The following KALRN variants were observed in gnomAD, a reference collection of about 807,000 sequenced individuals.
KALRN encodes kalirin RhoGEF kinase, also known as kalirin.
A neutral mutation model predicts 353.7 loss-of-function variants in KALRN; 70 were observed. The observed-to-expected ratio is 0.20, with a 90% CI of 0.16 to 0.24. KALRN has a LOEUF of 0.24. Among genes scored for constraint, KALRN ranks in the 10% least tolerant of loss-of-function variants. The pLI is 1.00. For missense variants in KALRN, 2,791 were observed against 3,756.7 expected (o/e 0.74, Z 6.72); for synonymous variants, 1,391 against 1,434.8 (o/e 0.97, Z 0.69).
At chr3:124,354,110 G>T (rs919331943) in intron 10 of KALRN, among the ~76,000 whole-genome samples, 2 of 152,196 alleles carry the variant, frequency 1.3e-5, no homozygotes, top group African/African-American at 4.8e-5. Context: ...ATTATAGAGA[G>T]CCTACCATGA....
intron 34 of KALRN, among the ~76,000 whole-genome samples, chr3:124,568,322 C>A (rs967924361): frequency 1.3e-5 from 2 of 152,168 alleles, no homozygotes; most frequent in Non-Finnish European, 2.9e-5. Flanking sequence ...CAAAGGATGG[C>A]TATTGTTTAA....
At chr3:124,496,504 T>G in intron 33 of KALRN, 91 bp downstream of exon 33, 1 of 938,090 alleles carries the variant, frequency 1.1e-6, no homozygotes, top group Non-Finnish European at 1.7e-6. Flanking sequence ...TCTCTCACTA[T>G]GGATCCTACC....
intron 1 of KALRN, among the ~76,000 whole-genome samples, chr3:124,072,983 C>T (rs1401205189): frequency 6.6e-6 from 1 of 152,196 alleles, no homozygotes; most frequent in Non-Finnish European, 1.5e-5. Flanking sequence ...TGAACCATGG[C>T]TTGTTCTGCA....
intron 34 of KALRN, among the ~76,000 whole-genome samples, chr3:124,625,172 AT>A (rs1279830821): frequency 6.6e-6 from 1 of 152,212 alleles, no homozygotes; most frequent in Non-Finnish European, 1.5e-5. Flanking sequence ...AGGTTCTAAT[AT>A]TCCCTACTGA....
chr3:124,240,358 GAA>G (rs918395173), intron 3 of KALRN, among the ~76,000 whole-genome samples: 1 of 152,176 alleles, frequency 6.6e-6, no homozygotes, highest in Non-Finnish European at 1.5e-5. Context: ...GGTAATTTGG[GAA>G]GACTTTAACC....
chr3:124,040,231 A>G (rs558694084), intron 1 of KALRN, among the ~76,000 whole-genome samples: 21 of 152,370 alleles, frequency 1.4e-4, no homozygotes, highest in African/African-American at 4.8e-4. Context: ...TATAAATAAA[A>G]TCAATAAAAC....
intron 33 of KALRN, among the ~76,000 whole-genome samples, chr3:124,503,451 C>CTTTT (rs5852407): frequency 3.4e-5 from 5 of 148,914 alleles, no homozygotes; most frequent in South Asian, 2.1e-4. Context: ...ATTGTAATTT[C>CTTTT]TTTTTTTTTT....
intron 37 of KALRN, among the ~76,000 whole-genome samples, chr3:124,639,990 A>T (rs1176036994): frequency 6.6e-6 from 1 of 152,174 alleles, no homozygotes; most frequent in East Asian, 1.9e-4. Flanking sequence ...TACTAGGTTG[A>T]GAATATCTCA....
chr3:124,228,204 T>G, intron 2 of KALRN, 140 bp downstream of exon 2: 1 of 750,828 alleles, frequency 1.3e-6, no homozygotes, highest in Non-Finnish European at 2.4e-6. Context: ...TTCTTTCTCC[T>G]GAGGCAGATG....
intron 1 of KALRN, chr3:124,152,390 T>G: frequency 8.2e-7 from 1 of 1,215,208 alleles, no homozygotes; most frequent in Non-Finnish European, 1.2e-6. Flanking sequence ...ACCTTTGGGC[T>G]CACACTATTG....
chr3:124,217,065 A>C (rs1364848120), intron 1 of KALRN, among the ~76,000 whole-genome samples: 3 of 152,104 alleles, frequency 2.0e-5, no homozygotes, highest in Non-Finnish European at 4.4e-5. Context: ...GAGTTTTAGT[A>C]TCTCTTTTGG....
At chr3:124,355,276 A>T (rs2083260210) in intron 10 of KALRN, among the ~76,000 whole-genome samples, 1 of 152,250 alleles carries the variant, frequency 6.6e-6, no homozygotes, top group African/African-American at 2.4e-5. Context: ...AAATTAAAAT[A>T]TAATATCTAA....
intron 37 of KALRN, among the ~76,000 whole-genome samples, chr3:124,650,597 G>T (rs2083300371): frequency 6.6e-6 from 1 of 152,202 alleles, no homozygotes; most frequent in Non-Finnish European, 1.5e-5. Context: ...TAGATGCCAA[G>T]TACATCCTGG....
At chr3:124,104,135 G>A (rs372591863) in intron 1 of KALRN, among the ~76,000 whole-genome samples, 10 of 152,098 alleles carry the variant, frequency 6.6e-5, no homozygotes, top group South Asian at 2.1e-4. Context: ...TTGTGATGCC[G>A]CAGGTACTCT....
At chr3:124,105,223 C>T (rs1323494104) in intron 1 of KALRN, among the ~76,000 whole-genome samples, 1 of 152,160 alleles carries the variant, frequency 6.6e-6, no homozygotes, top group Non-Finnish European at 1.5e-5. Context: ...TTAGGTTTGA[C>T]TTGAGGAGTG....
chr3:124,657,301 C>A lies in KALRN; in HGVS notation c.5863-147C>A, dbSNP rs549927696. On this transcript the variant is annotated intron_variant, in intron 39 of 59. Coordinates refer to ENST00000682506, the MANE Select transcript of KALRN (RefSeq NM_001388419.1). The stretch of plus-strand genomic sequence containing the variant: ...ATTGCTCTGCACCAGGGGTTAAAGA[C>A]CTGGTTGAATAGTGAGAAACCACAG... 3.1e-5 allele frequency: 17 copies of A among 555,416 alleles called. No individual in the cohort carries two copies. The East Asian group carries it at 3.4e-4, about 11-fold the overall frequency. The allele number at this position is 555,416 out of a possible 1,614,324, so 34.4% of individuals were successfully genotyped here. A position where few individuals can be genotyped will look rare whatever the true frequency, so the allele number is the denominator to read the frequency against.
At chr3:124,035,189 C>T (rs1157461017) in intron 1 of KALRN, among the ~76,000 whole-genome samples, 2 of 152,126 alleles carry the variant, frequency 1.3e-5, no homozygotes, top group African/African-American at 2.4e-5. Context: ...TTCCTTCCCT[C>T]CTTCCTCTTC....
At chr3:124,244,950 T>C (rs764281082) in intron 3 of KALRN, among the ~76,000 whole-genome samples, 32 of 152,314 alleles carry the variant, frequency 2.1e-4, no homozygotes, top group Middle Eastern at 6.8e-3. Context: ...ATCAGAGGCA[T>C]TGAGATTTCC....
At position 124,311,064 on chromosome 3, in the gene KALRN, C is replaced by CTTTTTTT. The variant is rs71145446; in HGVS notation, c.1092+12173_1092+12179dup. 3.1e-3 allele frequency among the ~76,000 whole-genome samples: 207 copies of CTTTTTTT among 67,528 alleles called. 31 individuals carry two copies. The highest frequency in any genetic ancestry group is 4.9e-3 in the African/African-American group (84 of 17,032). The allele number at this position is 67,528 out of a possible 152,430, so 44.3% of individuals were successfully genotyped here. A position where few individuals can be genotyped will look rare whatever the true frequency, so the allele number is the denominator to read the frequency against. On this transcript the variant is annotated intron_variant, in intron 6 of 59. Coordinates refer to ENST00000682506, the MANE Select transcript of KALRN (RefSeq NM_001388419.1). ...TCAAAACCACAATGAGATACTACTT[C>CTTTTTTT]TTTTTTTTTTTTTTTTTTTTTTTTT...
Sources: gnomAD v4.1 joint callset for allele counts (sites outside exome capture counted in the v4.1 genomes callset) on GRCh38, gnomAD v4.1.1 for gene constraint, MANE v1.5 for transcripts, NCBI Gene and HGNC (gene_info 2026-07-23, HGNC 2026-07-21) for gene names.